Variants in NRG3 observed in about 807,000 individuals in gnomAD.
The protein encoded by NRG3 is pro-neuregulin-3, membrane-bound isoform.
NRG3 carries 31 observed loss-of-function variants against 66.9 expected under a neutral mutation model. The ratio of observed to expected loss-of-function variants is 0.46; its 90% CI spans 0.35 to 0.63. The LOEUF (loss-of-function observed/expected upper bound fraction) is 0.63. Among genes scored for constraint, NRG3 ranks in the 20% least tolerant of loss-of-function variants. NRG3 has a pLI of 0.00. For synonymous variants in NRG3, 393 were observed against 359.4 expected (o/e 1.09, Z -1.06); for missense variants, 910 against 878.9 (o/e 1.04, Z -0.45).
chr10:82,926,084 A>G (rs1452096736), intron 4 of NRG3, among the ~76,000 whole-genome samples: 1 of 152,196 alleles, frequency 6.6e-6, no homozygotes, highest in African/African-American at 2.4e-5. Context: ...TTCTGCATCC[A>G]TGGATTCAAC....
intron 1 of NRG3, among the ~76,000 whole-genome samples, chr10:82,295,154 C>T (rs1420563094): frequency 1.3e-5 from 2 of 152,142 alleles, no homozygotes; most frequent in African/African-American, 4.8e-5. Flanking sequence ...TTTTGTTTCA[C>T]TATGATTATG....
At chr10:82,316,809 A>G (rs2081319205) in intron 1 of NRG3, among the ~76,000 whole-genome samples, 1 of 152,186 alleles carries the variant, frequency 6.6e-6, no homozygotes, top group African/African-American at 2.4e-5. Context: ...TGTAGGTTCA[A>G]TTTTCTATAA....
Position 82,679,156 on chromosome 10 carries a change from T to C in NRG3, c.954-59421T>C, listed in dbSNP as rs977636397. On this transcript the variant is annotated intron_variant, in intron 2 of 8. Coordinates refer to ENST00000372141, the MANE Select transcript of NRG3 (RefSeq NM_001010848.4). ...GATGACCATTGTGCTGTCTTGTACATAGTAGATGCTCAGGAAGTGTTGGAT... is the reference window on the plus strand; with the variant it reads ...GATGACCATTGTGCTGTCTTGTACACAGTAGATGCTCAGGAAGTGTTGGAT... Among the ~76,000 whole-genome samples, 4 of 152,198 alleles carry C rather than the reference T, an allele frequency of 2.6e-5. No homozygotes were observed. In the South Asian group the frequency reaches 6.2e-4, roughly 24 times the overall value.
At chr10:82,914,885 C>T (rs1216329030) in intron 4 of NRG3, among the ~76,000 whole-genome samples, 1 of 151,938 alleles carries the variant, frequency 6.6e-6, no homozygotes. Flanking sequence ...GGTTCTGGTA[C>T]AATAGTTTTC....
At chr10:82,207,110 G>A (rs756411632) in intron 1 of NRG3, among the ~76,000 whole-genome samples, 1 of 152,086 alleles carries the variant, frequency 6.6e-6, no homozygotes, top group Non-Finnish European at 1.5e-5. Context: ...TGAGTTGTTG[G>A]GCTAAGTGAC....
intron 2 of NRG3, among the ~76,000 whole-genome samples, chr10:82,428,035 A>T (rs2089558135): frequency 6.6e-6 from 1 of 151,788 alleles, no homozygotes; most frequent in African/African-American, 2.4e-5. Flanking sequence ...TTTTCCTCTA[A>T]GTTTGGAAGT....
At chr10:82,126,666 T>A (rs555035335) in intron 1 of NRG3, among the ~76,000 whole-genome samples, 11 of 152,138 alleles carry the variant, frequency 7.2e-5, no homozygotes, top group Non-Finnish European at 1.6e-4. Context: ...ACTGGCATTT[T>A]AACCTCTCTA....
chr10:82,589,099 A>G (rs2046840739), intron 2 of NRG3, among the ~76,000 whole-genome samples: 1 of 152,128 alleles, frequency 6.6e-6, no homozygotes, highest in African/African-American at 2.4e-5. Context: ...CTTAGCACCC[A>G]GACTCTCTGT....
At chr10:81,888,384 T>G (rs2132534877) in intron 1 of NRG3, among the ~76,000 whole-genome samples, 1 of 152,310 alleles carries the variant, frequency 6.6e-6, no homozygotes, top group African/African-American at 2.4e-5. Flanking sequence ...AGAATGGCAT[T>G]ATTACAGTTC....
intron 4 of NRG3, among the ~76,000 whole-genome samples, chr10:82,901,981 A>G (rs1241899461): frequency 6.6e-6 from 1 of 152,190 alleles, no homozygotes; most frequent in African/African-American, 2.4e-5. Context: ...AGGTTTTAAT[A>G]TATTTGTTAC....
At chr10:81,954,296 C>T (rs559787402) in intron 1 of NRG3, among the ~76,000 whole-genome samples, 1 of 152,052 alleles carries the variant, frequency 6.6e-6, no homozygotes, top group Non-Finnish European at 1.5e-5. Context: ...CACTTTGAGC[C>T]TTTTGAATAC....
At chr10:82,937,716 AAC>A (rs1448235782) in intron 4 of NRG3, among the ~76,000 whole-genome samples, 2 of 152,238 alleles carry the variant, frequency 1.3e-5, no homozygotes, top group African/African-American at 4.8e-5. Context: ...CATTCATTTG[AAC>A]ACAGTTTGAA....
At chr10:82,648,876 A>G (rs900967140) in intron 2 of NRG3, among the ~76,000 whole-genome samples, 1 of 152,184 alleles carries the variant, frequency 6.6e-6, no homozygotes, top group Non-Finnish European at 1.5e-5. Flanking sequence ...GACTTTGCTG[A>G]AGTTGCTGAT....
At chr10:82,725,577 GT>G (rs2057551835) in intron 2 of NRG3, among the ~76,000 whole-genome samples, 1 of 152,166 alleles carries the variant, frequency 6.6e-6, no homozygotes, top group Non-Finnish European at 1.5e-5. Context: ...TCTGTTAATA[GT>G]TCCTACTACT....
intron 3 of NRG3, among the ~76,000 whole-genome samples, chr10:82,801,735 A>G (rs2061048646): frequency 6.6e-6 from 1 of 152,228 alleles, no homozygotes; most frequent in Admixed American, 6.5e-5. Flanking sequence ...AAGAGTACGC[A>G]GAATTTCTTG....
At chr10:82,149,555 G>T (rs887802106) in intron 1 of NRG3, among the ~76,000 whole-genome samples, 1 of 152,152 alleles carries the variant, frequency 6.6e-6, no homozygotes, top group East Asian at 1.9e-4. Flanking sequence ...CAATTAAAAT[G>T]AAGCAAATAT....
At chr10:82,134,736 A>G (rs1432540769) in intron 1 of NRG3, among the ~76,000 whole-genome samples, 2 of 152,112 alleles carry the variant, frequency 1.3e-5, no homozygotes, top group African/African-American at 4.8e-5. Context: ...TGCCTTGGCT[A>G]TTCGGGCTCT....
At chr10:82,403,597 T>C (rs1308811816) in intron 2 of NRG3, among the ~76,000 whole-genome samples, 1 of 152,186 alleles carries the variant, frequency 6.6e-6, no homozygotes, top group African/African-American at 2.4e-5. Context: ...ACATGAGCTT[T>C]TGATATAAAA....
At chr10:82,531,110 C>T (rs1056597490) in intron 2 of NRG3, among the ~76,000 whole-genome samples, 10 of 151,472 alleles carry the variant, frequency 6.6e-5, no homozygotes, top group African/African-American at 2.4e-4. Flanking sequence ...ATTGTTGCAA[C>T]AATTTTAGTG....
Sources: allele counts gnomAD v4.1 joint callset (sites outside exome capture counted in the v4.1 genomes callset), GRCh38; gene constraint gnomAD v4.1.1; transcripts MANE v1.5; gene names NCBI Gene and HGNC (gene_info 2026-07-23, HGNC 2026-07-21).